LDLRAD3: variants seen among roughly 807,000 people sequenced by gnomAD.
The protein encoded by LDLRAD3 is low-density lipoprotein receptor class A domain-containing protein 3.
A neutral mutation model predicts 29.4 loss-of-function variants in LDLRAD3; 20 were observed. The observed-to-expected ratio is 0.68, with a 90% CI of 0.48 to 0.99. The LOEUF is 0.99. Ranked by LOEUF, LDLRAD3 falls within the 50% of genes least tolerant of loss-of-function variation. LDLRAD3 has a pLI of 0.00. For missense variants in LDLRAD3, 420 were observed against 454.3 expected (o/e 0.92, Z 0.69); for synonymous variants, 157 against 192.7 (o/e 0.81, Z 1.53).
At chr11:36,076,247 T>TCCAG (rs1852999719) in intron 2 of LDLRAD3, among the ~76,000 whole-genome samples, 1 of 151,836 alleles carries the variant, frequency 6.6e-6, no homozygotes, top group African/African-American at 2.4e-5. Flanking sequence ...CATCCATCCA[T>TCCAG]CCATCCATCC....
In LDLRAD3 at chr11:36,033,018, G is replaced by A. The variant is rs191679090; in HGVS notation, c.47-3085G>A. The stretch of plus-strand genomic sequence containing the variant: ...GACTCCCAAGTAGCTGGGATTACAG[G>A]TGTGCACCACCACACCCGGCTAATT... On this transcript the variant is annotated intron_variant, in intron 1 of 5. Coordinates refer to ENST00000315571, the MANE Select transcript of LDLRAD3 (RefSeq NM_174902.4). 3.1e-3 allele frequency among the ~76,000 whole-genome samples: 466 copies of A among 152,124 alleles called. 2 individuals carry two copies. The highest frequency in any genetic ancestry group is 5.4e-3 in the Non-Finnish European group (370 of 67,984).
chr11:36,147,083 T>G (rs1374001393), intron 4 of LDLRAD3, among the ~76,000 whole-genome samples: 8 of 128,096 alleles, frequency 6.2e-5, no homozygotes, highest in Admixed American at 8.5e-5. Flanking sequence ...CCACCATGAC[T>G]GGCCCCCATA....
chr11:36,113,804 G>C (rs1853638079), intron 4 of LDLRAD3, among the ~76,000 whole-genome samples: 2 of 151,712 alleles, frequency 1.3e-5, no homozygotes, highest in Non-Finnish European at 2.9e-5. Flanking sequence ...CTCCTGAGTA[G>C]CTGAGATTAC....
chr11:36,115,025 C>T (rs1853654925), intron 4 of LDLRAD3, among the ~76,000 whole-genome samples: 1 of 152,210 alleles, frequency 6.6e-6, no homozygotes, highest in Non-Finnish European at 1.5e-5. Flanking sequence ...GACATGGCCT[C>T]TTCCGTGTCC....
chr11:36,025,011 C>T (rs920639377), intron 1 of LDLRAD3, among the ~76,000 whole-genome samples: 1 of 152,186 alleles, frequency 6.6e-6, no homozygotes, highest in African/African-American at 2.4e-5. Context: ...ATTTTTTCCT[C>T]CACAATCAGC....
intron 4 of LDLRAD3, among the ~76,000 whole-genome samples, chr11:36,203,940 G>A (rs1291483407): frequency 6.6e-6 from 1 of 151,996 alleles, no homozygotes; most frequent in Non-Finnish European, 1.5e-5. Flanking sequence ...CACCAGAGGG[G>A]CCAGGATGGG....
At chr11:36,064,371 G>A (rs924737082) in intron 2 of LDLRAD3, among the ~76,000 whole-genome samples, 3 of 152,010 alleles carry the variant, frequency 2.0e-5, no homozygotes, top group Admixed American at 6.6e-5. Flanking sequence ...GTGCAGTGGT[G>A]TGATCACAGC....
chr11:35,998,922 C>A (rs1008098457), intron 1 of LDLRAD3, among the ~76,000 whole-genome samples: 6 of 152,152 alleles, frequency 3.9e-5, no homozygotes, highest in African/African-American at 1.4e-4. Context: ...CTGGGAGAGT[C>A]GTTCAGGCAG....
intron 1 of LDLRAD3, among the ~76,000 whole-genome samples, chr11:36,020,254 A>C (rs1852079234): frequency 1.3e-5 from 2 of 152,194 alleles, no homozygotes; most frequent in Non-Finnish European, 2.9e-5. Flanking sequence ...CAGGAAAGAA[A>C]ATAATAATAT....
chr11:36,067,544 C>G (rs1376382348), intron 2 of LDLRAD3, among the ~76,000 whole-genome samples: 1 of 152,230 alleles, frequency 6.6e-6, no homozygotes, highest in Non-Finnish European at 1.5e-5. Context: ...TAGTGTTCAT[C>G]TCTCTATTTC....
At chr11:36,160,290 G>A (rs140079385) in intron 4 of LDLRAD3, among the ~76,000 whole-genome samples, 34 of 152,296 alleles carry the variant, frequency 2.2e-4, no homozygotes, top group African/African-American at 6.0e-4. Flanking sequence ...CTCGAGGGAC[G>A]TGGCCCAGTG....
chr11:36,144,804 T>TGG (rs1353865746), intron 4 of LDLRAD3, among the ~76,000 whole-genome samples: 5 of 72,154 alleles, frequency 6.9e-5, no homozygotes, highest in African/African-American at 2.1e-4. Context: ...GGGAGGGAGG[T>TGG]GGGGGGGTCA....
chr11:36,079,544 C>G (rs1305431958), intron 2 of LDLRAD3, among the ~76,000 whole-genome samples: 1 of 152,098 alleles, frequency 6.6e-6, no homozygotes, highest in Non-Finnish European at 1.5e-5. Context: ...GTGGATACAA[C>G]TGGTTGGGGC....
intron 1 of LDLRAD3, among the ~76,000 whole-genome samples, chr11:35,975,915 T>G (rs1431489006): frequency 6.6e-6 from 1 of 151,738 alleles, no homozygotes; most frequent in Non-Finnish European, 1.5e-5. Context: ...TGGTAGAGAC[T>G]TCTGAGAACA....
chr11:36,171,675 G>A (rs1854600308), intron 4 of LDLRAD3, among the ~76,000 whole-genome samples: 1 of 152,120 alleles, frequency 6.6e-6, no homozygotes, highest in Non-Finnish European at 1.5e-5. Flanking sequence ...TGTTCCATTG[G>A]TCTATGTGCC....
At chr11:36,212,563 A>G (rs1855297461) in intron 4 of LDLRAD3, among the ~76,000 whole-genome samples, 1 of 152,000 alleles carries the variant, frequency 6.6e-6, no homozygotes, top group South Asian at 2.1e-4. Context: ...AAAAAAAAAA[A>G]AAGCCCTTTT....
intron 1 of LDLRAD3, among the ~76,000 whole-genome samples, chr11:36,029,518 G>C (rs536426113): frequency 6.6e-6 from 1 of 152,160 alleles, no homozygotes; most frequent in South Asian, 2.1e-4. Flanking sequence ...TATCCCGATG[G>C]CTCTGCAAAC....
At chr11:36,159,354 AG>A in intron 4 of LDLRAD3, among the ~76,000 whole-genome samples, 1 of 151,888 alleles carries the variant, frequency 6.6e-6, no homozygotes, top group Non-Finnish European at 1.5e-5. Flanking sequence ...CTGTAGTCCC[AG>A]CTACTGGAGA....
chr11:36,200,028 G>T (rs1407771158), intron 4 of LDLRAD3, among the ~76,000 whole-genome samples: 1 of 152,084 alleles, frequency 6.6e-6, no homozygotes, highest in Non-Finnish European at 1.5e-5. Context: ...TTAGCTGGGT[G>T]TGGTGGCATG....
Sources: allele counts gnomAD v4.1 joint callset (sites outside exome capture counted in the v4.1 genomes callset), GRCh38; gene constraint gnomAD v4.1.1; transcripts MANE v1.5; gene names NCBI Gene and HGNC (gene_info 2026-07-23, HGNC 2026-07-21).